The following APC2 variants were observed in gnomAD, a reference collection of about 807,000 sequenced individuals.
The protein encoded by APC2 is adenomatous polyposis coli protein 2.
APC2 carries 41 observed loss-of-function variants against 72.5 expected under a neutral mutation model. The ratio of observed to expected loss-of-function variants is 0.57; its 90% CI spans 0.44 to 0.73. The LOEUF is 0.73. APC2 is among the 30% of genes least tolerant of loss of function. The pLI is 0.00. For missense variants in APC2, 3,729 were observed against 3,403.4 expected (o/e 1.10, Z -2.38); for synonymous variants, 1,898 against 1,612.0 (o/e 1.18, Z -4.25).
Position 1,469,649 on chromosome 19 carries a change from C to T in APC2, c.6348C>T (p.Pro2116=). The change falls in exon 15 of 15, where the codon CCC becomes CCT. Residue 2116 remains proline (P), a synonymous_variant. Coordinates refer to ENST00000590469, the MANE Select transcript of APC2 (RefSeq NM_005883.3). The part of the protein sequence containing the change: ...SVARRPDGAV[P]AAPASADAAR... ...CCCGCAGGCCCGACGGCGCCGTCCC[C>T]GCGGCCCCTGCCTCAGCCGACGCCG... The T allele has an allele frequency of 8.1e-7, 1 of 1,238,818 alleles. No individual in the cohort carries two copies. The highest frequency in any genetic ancestry group is 1.0e-6 in the Non-Finnish European group (1 of 993,584). 76.7% of individuals were successfully genotyped at this position (1,238,818 alleles called of 1,614,324 possible). A position where few individuals can be genotyped will look rare whatever the true frequency, so the allele number is the denominator to read the frequency against.
At position 1,462,109 on chromosome 19, in the gene APC2, C is replaced by T. The variant is rs537258047; in HGVS notation, c.1785C>T (p.Ala595=). 1.4e-5 allele frequency: 22 copies of T among 1,612,896 alleles called. No individual in the cohort carries two copies. In the Admixed American group the frequency reaches 3.3e-4, roughly 24 times the overall value. ...LTYKCQSNSL[A]IIESGGGILR... is the part of the protein sequence containing the mutation. ...ACAAGTGTCAGAGCAACTCGCTGGC[C>T]ATCATCGAGAGCGGCGGCGGCATCC... The change falls in exon 14 of 15, where the codon GCC becomes GCT. Residue 595 remains alanine (A), a synonymous_variant. Coordinates refer to ENST00000590469, the MANE Select transcript of APC2 (RefSeq NM_005883.3).
Position 1,467,211 on chromosome 19 carries a change from C to A in APC2, c.3910C>A (p.Arg1304Ser), listed in dbSNP as rs770523255. The change falls in exon 15 of 15, where the codon CGC becomes AGC. Residue 1304 changes from arginine (R) to serine (S), a missense_variant. Coordinates refer to ENST00000590469, the MANE Select transcript of APC2 (RefSeq NM_005883.3). ...LRLLPSACPE[R>S]GGGAGGAGLH... ...GCTGCTGCCCTCGGCCTGCCCCGAG[C>A]GCGGCGGGGGCGCCGGGGGCGCCGG... 2 of 1,415,922 alleles carry A rather than the reference C, an allele frequency of 1.4e-6. No individual in the cohort carries two copies. The highest frequency in any genetic ancestry group is 1.8e-6 in the Non-Finnish European group (2 of 1,091,166). The allele number at this position is 1,415,922 out of a possible 1,614,324, so 87.7% of individuals were successfully genotyped here. A position where few individuals can be genotyped will look rare whatever the true frequency, so the allele number is the denominator to read the frequency against.
At chr19:1,461,368 A>C in intron 13 of APC2, 1 of 592,358 alleles carries the variant, frequency 1.7e-6, no homozygotes, top group Non-Finnish European at 3.0e-6. Context: ...TGAGGTCAGG[A>C]GTTCGAGACC....
intron 7 of APC2, 26 bp from the exon 8 acceptor site, chr19:1,456,280 C>G (rs1250702690): frequency 1.9e-6 from 3 of 1,593,368 alleles, no homozygotes; most frequent in South Asian, 2.3e-5. Context: ...GGGACTGTAC[C>G]CCCGACCCTG....
upstream of APC2, among the ~76,000 whole-genome samples, chr19:1,447,703 G>C (rs952530018): frequency 2.0e-5 from 3 of 152,114 alleles, no homozygotes; most frequent in Non-Finnish European, 4.4e-5. Flanking sequence ...TGTAGATTTG[G>C]GGCCAAGGGC....
Position 1,460,195 on chromosome 19 carries a change from G to T in APC2, c.1318G>T (p.Val440Leu). The change falls in exon 11 of 15, where the codon GTG (valine) becomes TTG (leucine). Residue 440 changes from valine to leucine, a missense_variant. Physicochemically the swap from Val to Leu is conservative, Grantham distance 32. Coordinates refer to ENST00000590469, the MANE Select transcript of APC2 (RefSeq NM_005883.3). ...AMNELGGLQAVAELLQVDYEM... is the reference protein window; with the variant it reads ...AMNELGGLQALAELLQVDYEM... ...GGTCCTCACAGGTGGGCTGCAGGCC[G>T]TGGCAGAGCTGCTGCAGGTTGACTA... 1 of 1,613,398 alleles carries T rather than the reference G, an allele frequency of 6.2e-7. No individual in the cohort carries two copies. The highest frequency in any genetic ancestry group is 8.5e-7 in the Non-Finnish European group (1 of 1,180,008).
chr19:1,465,043 T>C, intron 14 of APC2, 112 bp from the exon 15 acceptor site: 5 of 1,225,322 alleles, frequency 4.1e-6, no homozygotes, highest in Non-Finnish European at 5.6e-6. Flanking sequence ...CTTTCCAAGA[T>C]CCAAACCTAA....
At position 1,456,919 on chromosome 19, in the gene APC2, C is replaced by G. The variant is rs769594037; in HGVS notation, c.883C>G (p.Leu295Val). 8 of 1,574,154 alleles carry G rather than the reference C, an allele frequency of 5.1e-6. No homozygotes were observed. The highest frequency in any genetic ancestry group is 6.8e-6 in the Non-Finnish European group (8 of 1,168,072). Residue 295 changes from leucine to valine, a missense_variant, in exon 9 of 15, where the codon CTG (leucine) becomes GTG (valine). Physicochemically the swap from Leu to Val is conservative, Grantham distance 32. Coordinates refer to ENST00000590469, the MANE Select transcript of APC2 (RefSeq NM_005883.3). ...TRDQEDTARTLLAMSSSPESC... is the reference protein window; with the variant it reads ...TRDQEDTARTVLAMSSSPESC... Reference sequence around the variant, plus strand: ...CGACCAGGAGGATACAGCGCGCACGCTGCTGGCCATGTCCAGCTCGCCCGA... The same window carrying G: ...CGACCAGGAGGATACAGCGCGCACGGTGCTGGCCATGTCCAGCTCGCCCGA...
rs2145202667 is a variant in APC2, at chr19:1,458,059, A to G, written c.1302A>G (p.Leu434=). 1 of 1,559,788 alleles carries G rather than the reference A, an allele frequency of 6.4e-7. No individual in the cohort carries two copies. Among genetic ancestry groups the G allele is most frequent in the African/African-American group, 1.4e-5 (1 of 74,064 alleles). ...AGTACCGCCGTGCCATGAACGAGCT[A>G]GGTGAGTGTCCCAGGTCCTCTGGGA... is the stretch of plus-strand genomic sequence containing the variant. ...DEEYRRAMNE[L]GGLQAVAELL... The change falls in exon 10 of 15, where the codon CTA becomes CTG. Residue 434 remains leucine (L), a splice_region_variant and synonymous_variant. Coordinates refer to ENST00000590469, the MANE Select transcript of APC2 (RefSeq NM_005883.3).
At position 1,465,593 on chromosome 19, in the gene APC2, G is replaced by T; in HGVS notation, c.2292G>T (p.Leu764=). The change falls in exon 15 of 15, where the codon CTG becomes CTT. Residue 764 remains leucine, a synonymous_variant. Coordinates refer to ENST00000590469, the MANE Select transcript of APC2 (RefSeq NM_005883.3). ...TKKPLPPLRH[L]DGLAQDYASD... is the part of the protein sequence containing the mutation. ...AGCCGCTGCCGCCCCTGCGACACCT[G>T]GACGGCCTGGCCCAAGACTATGCTT... is the stretch of plus-strand genomic sequence containing the variant. The T allele has an allele frequency of 6.3e-7, 1 of 1,584,180 alleles. No homozygotes were observed. Among genetic ancestry groups the T allele is most frequent in the Non-Finnish European group, 8.6e-7 (1 of 1,166,934 alleles).
Position 1,465,302 on chromosome 19 carries a change from C to A in APC2, c.2001C>A (p.Gly667=), listed in dbSNP as rs1233140791. The A allele has an allele frequency of 1.3e-6, 2 of 1,599,310 alleles. No homozygotes were observed. Among genetic ancestry groups the A allele is most frequent in the Middle Eastern group, 3.3e-4 (2 of 5,998 alleles). The change falls in exon 15 of 15, where the codon GGC becomes GGA. Residue 667 remains glycine (G), a synonymous_variant. Transcript: ENST00000590469. ...ACCAGGAGCTGCTGTGGGACCTGGG[C>A]GCCGTGGGCATGCTGCGTAATCTGG... ...ARDQELLWDL[G]AVGMLRNLVH...
In APC2 at chr19:1,458,568, T is replaced by C. The variant is rs140712583; in HGVS notation, c.1303+508T>C. On this transcript the variant is annotated intron_variant, in intron 10 of 14. Transcript: ENST00000590469. Reference sequence around the variant, plus strand: ...GGCAAAAATAGTGAGACCCCATCACTACAAAAAAAAAATTAGTCCCAGCTA... The same window carrying C: ...GGCAAAAATAGTGAGACCCCATCACCACAAAAAAAAAATTAGTCCCAGCTA... The C allele has an allele frequency of 4.2e-4, 65 of 155,110 alleles. No homozygotes were observed. In the East Asian group the frequency reaches 0.01, roughly 24 times the overall value. 9.6% of individuals were successfully genotyped at this position (155,110 alleles called of 1,614,324 possible). A position where few individuals can be genotyped will look rare whatever the true frequency, so the allele number is the denominator to read the frequency against.
Position 1,469,622 on chromosome 19 carries a change from G to A in APC2, c.6321G>A (p.Val2107=), listed in dbSNP as rs1445731624. Reference sequence around the variant, plus strand: ...ACGCGTCGCTGCCGCACATCAGCGTGGCCCGCAGGCCCGACGGCGCCGTCC... The same window carrying A: ...ACGCGTCGCTGCCGCACATCAGCGTAGCCCGCAGGCCCGACGGCGCCGTCC... ...KRYASLPHIS[V]ARRPDGAVPA... The change falls in exon 15 of 15, where the codon GTG becomes GTA. Residue 2107 remains valine, a synonymous_variant. Coordinates refer to ENST00000590469, the MANE Select transcript of APC2 (RefSeq NM_005883.3). The A allele has an allele frequency of 1.6e-6, 2 of 1,228,836 alleles. No individual in the cohort carries two copies. Among genetic ancestry groups the A allele is most frequent in the Non-Finnish European group, 2.0e-6 (2 of 982,170 alleles). 76.1% of individuals were successfully genotyped at this position (1,228,836 alleles called of 1,614,324 possible).
chr19:1,458,963 C>T (rs925904627), intron 10 of APC2, among the ~76,000 whole-genome samples: 5 of 152,108 alleles, frequency 3.3e-5, no homozygotes, highest in Admixed American at 3.3e-4. Context: ...GGATTACAGG[C>T]GCGAGCCACC....
In APC2 at chr19:1,452,855, T is replaced by G. The variant is rs1360916545; in HGVS notation, c.-18-129T>G. The G allele has an allele frequency of 7.5e-6, 9 of 1,196,610 alleles. No individual in the cohort carries two copies. The highest frequency in any genetic ancestry group is 1.0e-5 in the Non-Finnish European group (9 of 875,912). The allele number at this position is 1,196,610 out of a possible 1,614,324, so 74.1% of individuals were successfully genotyped here. A position where few individuals can be genotyped will look rare whatever the true frequency, so the allele number is the denominator to read the frequency against. ...TGTACTTGTCCACACCAGTGACTCCTGCCTGAGACCCCCCCCAACCCAGGA... is the reference window on the plus strand; with the variant it reads ...TGTACTTGTCCACACCAGTGACTCCGGCCTGAGACCCCCCCCAACCCAGGA... On this transcript the variant is annotated intron_variant, in intron 1 of 14. Coordinates refer to ENST00000590469, the MANE Select transcript of APC2 (RefSeq NM_005883.3). The surrounding 1 kb of genome is among the most constrained non-coding windows in gnomAD (Gnocchi z 5.1).
Position 1,455,447 on chromosome 19 carries a change from T to C in APC2, c.586T>C (p.Ser196Pro). The C allele has an allele frequency of 6.2e-7, 1 of 1,607,140 alleles. No homozygotes were observed. The highest frequency in any genetic ancestry group is 1.1e-5 in the South Asian group (1 of 89,946). ...TGAGTTCGAGGCCCAGCACATCCGC[T>C]CGCTGATGGAGGAGCGCTTCGGCAC... Reference protein sequence around the residue: ...QLEFEAQHIRSLMEERFGTSD... With the variant: ...QLEFEAQHIRPLMEERFGTSD... Residue 196 changes from serine (S) to proline (P), a missense_variant, in exon 6 of 15, where the codon TCG becomes CCG. Physicochemically the swap from Ser to Pro is moderately conservative, Grantham distance 74. Transcript: ENST00000590469.
At chr19:1,446,589 G>T (rs372718353), upstream of APC2, among the ~76,000 whole-genome samples, 1 of 152,058 alleles carries the variant, frequency 6.6e-6, no homozygotes, top group Non-Finnish European at 1.5e-5. This position sits in a 1 kb window ranked among gnomAD's most constrained non-coding sequence, Gnocchi z 6.1. Flanking sequence ...CTGCGCAAGC[G>T]CAGGGCTCGC....
At chr19:1,457,418 C>A in intron 9 of APC2, 175 bp downstream of exon 9, 1 of 918,762 alleles carries the variant, frequency 1.1e-6, no homozygotes, top group Non-Finnish European at 1.5e-6. Context: ...AAAGACCCGC[C>A]CATGATCGTA....
chr19:1,458,121 C>T (rs955181183), intron 10 of APC2, 61 bp downstream of exon 10: 23 of 1,457,184 alleles, frequency 1.6e-5, no homozygotes, highest in South Asian at 1.3e-4. Context: ...GGTGGCTCCT[C>T]GGCCGCTAAA....
Sources: allele counts gnomAD v4.1 joint callset (sites outside exome capture counted in the v4.1 genomes callset), GRCh38; gene constraint gnomAD v4.1.1; non-coding constraint Gnocchi (gnomAD v3.1); transcripts MANE v1.5; gene names NCBI Gene and HGNC (gene_info 2026-07-23, HGNC 2026-07-21).